Variants in GABRB1 observed in about 807,000 individuals in gnomAD.
GABRB1 encodes the protein gamma-aminobutyric acid receptor subunit beta-1.
A neutral mutation model predicts 51.6 loss-of-function variants in GABRB1; 17 were observed. The ratio of observed to expected loss-of-function variants is 0.33; its 90% CI spans 0.23 to 0.49. GABRB1 has a LOEUF of 0.49. GABRB1 is among the 20% of genes least tolerant of loss of function. The pLI, the probability that GABRB1 is intolerant of heterozygous loss-of-function variation, is 0.99. For synonymous variants in GABRB1, 247 were observed against 218.9 expected (o/e 1.13, Z -1.14); for missense variants, 410 against 600.6 (o/e 0.68, Z 3.32).
At chr4:47,221,472 A>T (rs1432543033) in intron 4 of GABRB1, among the ~76,000 whole-genome samples, 1 of 151,996 alleles carries the variant, frequency 6.6e-6, no homozygotes, top group Non-Finnish European at 1.5e-5. Flanking sequence ...TTGCCACATG[A>T]TCCTTTCCTT....
At chr4:47,034,152 AG>A (rs1345107205) in intron 3 of GABRB1, among the ~76,000 whole-genome samples, 4 of 152,208 alleles carry the variant, frequency 2.6e-5, no homozygotes, top group Non-Finnish European at 5.9e-5. Context: ...AGATTTAAAA[AG>A]CTCAAAAAGC....
intron 8 of GABRB1, among the ~76,000 whole-genome samples, chr4:47,413,296 A>G (rs1316784999): frequency 6.6e-6 from 1 of 152,206 alleles, no homozygotes; most frequent in Non-Finnish European, 1.5e-5. Context: ...TGGGATAATA[A>G]TACAGCATTA....
chr4:47,240,320 A>C (rs1352129669), intron 4 of GABRB1, among the ~76,000 whole-genome samples: 1 of 152,222 alleles, frequency 6.6e-6, no homozygotes, highest in Admixed American at 6.5e-5. Context: ...ATGCCGATCA[A>C]AGTCCCTATT....
chr4:47,133,593 T>G (rs1468842275), intron 3 of GABRB1, among the ~76,000 whole-genome samples: 1 of 152,222 alleles, frequency 6.6e-6, no homozygotes, highest in African/African-American at 2.4e-5. Flanking sequence ...TCAGTCTTTC[T>G]TTGTCTTTCA....
chr4:47,219,965 G>A (rs1190149509), intron 4 of GABRB1, among the ~76,000 whole-genome samples: 2 of 151,772 alleles, frequency 1.3e-5, no homozygotes, highest in African/African-American at 4.8e-5. Context: ...GAACTCATCA[G>A]AAGTTTAGAA....
At chr4:47,082,139 T>A (rs913079014) in intron 3 of GABRB1, among the ~76,000 whole-genome samples, 4 of 152,092 alleles carry the variant, frequency 2.6e-5, no homozygotes, top group Non-Finnish European at 4.4e-5. Flanking sequence ...ATACCAACTC[T>A]ATGATTTCTG....
chr4:47,008,629 A>AT (rs71193894), intron 1 of GABRB1, among the ~76,000 whole-genome samples: 2,446 of 117,456 alleles, frequency 0.021, 66 homozygotes, highest in African/African-American at 0.054. Flanking sequence ...CACCCAGCTA[A>AT]TTTTTTTTTT....
At chr4:47,425,377 C>CCACACACACA (rs34275303) in intron 8 of GABRB1, among the ~76,000 whole-genome samples, 22 of 138,332 alleles carry the variant, frequency 1.6e-4, no homozygotes, top group African/African-American at 5.4e-4. Flanking sequence ...AGAAGAAATA[C>CCACACACACA]CACACACACA....
chr4:47,055,498 C>T (rs1407246978), intron 3 of GABRB1, among the ~76,000 whole-genome samples: 1 of 152,066 alleles, frequency 6.6e-6, no homozygotes, highest in Non-Finnish European at 1.5e-5. Context: ...TGCACTTTGT[C>T]GAAATATTGT....
intron 3 of GABRB1, among the ~76,000 whole-genome samples, chr4:47,088,318 T>C (rs1332546684): frequency 6.6e-6 from 1 of 152,122 alleles, no homozygotes; most frequent in African/African-American, 2.4e-5. Flanking sequence ...ATAATGCACA[T>C]AGGAGACTGA....
chr4:47,238,543 T>C (rs2109845036), intron 4 of GABRB1, among the ~76,000 whole-genome samples: 1 of 152,300 alleles, frequency 6.6e-6, no homozygotes, highest in Admixed American at 6.5e-5. Context: ...GCCAGCTTTC[T>C]ACAAGTAATT....
chr4:47,254,713 C>A (rs904544974), intron 4 of GABRB1, among the ~76,000 whole-genome samples: 3 of 152,066 alleles, frequency 2.0e-5, no homozygotes, highest in South Asian at 2.1e-4. Context: ...AGGCTGTATT[C>A]TTTGTGCAAT....
intron 1 of GABRB1, among the ~76,000 whole-genome samples, chr4:47,004,878 C>T (rs77562051): frequency 1.5e-3 from 225 of 152,276 alleles, no homozygotes; most frequent in African/African-American, 5.1e-3. Flanking sequence ...AAGTTTAATA[C>T]TTATAGTTTC....
chr4:47,187,657 G>C (rs1287313816), intron 4 of GABRB1, among the ~76,000 whole-genome samples: 1 of 151,832 alleles, frequency 6.6e-6, no homozygotes. Flanking sequence ...AAGTTAAACC[G>C]TGTCACTCCT....
chr4:47,320,773 T>C (rs940825274), intron 5 of GABRB1, among the ~76,000 whole-genome samples: 18 of 143,736 alleles, frequency 1.3e-4, no homozygotes, highest in Non-Finnish European at 2.3e-4. Context: ...CTTTTTTCTT[T>C]TTTTTTTTTT....
At chr4:47,018,578 AC>A (rs1055704625) in intron 1 of GABRB1, among the ~76,000 whole-genome samples, 14 of 152,194 alleles carry the variant, frequency 9.2e-5, no homozygotes, top group African/African-American at 3.4e-4. Flanking sequence ...CAAGAACGTT[AC>A]TAATAGCCTA....
intron 3 of GABRB1, among the ~76,000 whole-genome samples, chr4:47,114,023 T>G (rs867460742): frequency 6.6e-6 from 1 of 152,214 alleles, no homozygotes; most frequent in Non-Finnish European, 1.5e-5. Flanking sequence ...CAGTTCCTTC[T>G]GCTTCCGTGG....
At chr4:47,119,583 A>G (rs890217490) in intron 3 of GABRB1, among the ~76,000 whole-genome samples, 1 of 150,422 alleles carries the variant, frequency 6.6e-6, no homozygotes, top group African/African-American at 2.4e-5. Context: ...ATCTCAGCTC[A>G]CTGCAACCTC....
At chr4:47,262,961 C>T (rs918241979) in intron 4 of GABRB1, among the ~76,000 whole-genome samples, 1 of 144,690 alleles carries the variant, frequency 6.9e-6, no homozygotes, top group South Asian at 2.1e-4. Flanking sequence ...CCAAACACCG[C>T]ATGTTCTCAC....
Sources: gnomAD v4.1 joint callset for allele counts (sites outside exome capture counted in the v4.1 genomes callset) on GRCh38, gnomAD v4.1.1 for gene constraint, MANE v1.5 for transcripts, NCBI Gene and HGNC (gene_info 2026-07-23, HGNC 2026-07-21) for gene names.